PPP1R16B: variants seen among roughly 807,000 people sequenced by gnomAD.
PPP1R16B encodes the protein protein phosphatase 1 regulatory inhibitor subunit 16B.
Under a neutral mutation model 61.7 loss-of-function variants are expected in PPP1R16B, and 14 were observed. That is an observed-to-expected ratio of 0.23 (90% CI 0.15 to 0.35). PPP1R16B has a LOEUF of 0.35. Among genes scored for constraint, PPP1R16B ranks in the 10% least tolerant of loss-of-function variants. The pLI is 1.00. For missense variants in PPP1R16B, 547 were observed against 752.5 expected (o/e 0.73, Z 3.19); for synonymous variants, 266 against 305.3 (o/e 0.87, Z 1.34).
At chr20:38,839,648 A>G (rs370795391) in intron 2 of PPP1R16B, among the ~76,000 whole-genome samples, 41 of 151,770 alleles carry the variant, frequency 2.7e-4, no homozygotes, top group African/African-American at 8.5e-4. Flanking sequence ...AAGTTTTTAC[A>G]TAAGTGATGG....
At chr20:38,819,189 A>T (rs1319191542) in intron 1 of PPP1R16B, among the ~76,000 whole-genome samples, 1 of 152,228 alleles carries the variant, frequency 6.6e-6, no homozygotes, top group Non-Finnish European at 1.5e-5. Flanking sequence ...TTGGGCAATT[A>T]CTTAACCCTA....
Position 38,836,251 on chromosome 20 carries a change from A to T in PPP1R16B, c.250+76A>T, listed in dbSNP as rs556076171. On this transcript the variant is annotated intron_variant, in intron 2 of 10. Transcript: ENST00000299824. Reference sequence around the variant, plus strand: ...AGGGTTTGGAATCCAGGTTCTGTGCAGTAGACGTGTGGGCAAGGCAGGTCT... The same window carrying T: ...AGGGTTTGGAATCCAGGTTCTGTGCTGTAGACGTGTGGGCAAGGCAGGTCT... 2.3e-5 allele frequency: 36 copies of T among 1,536,296 alleles called. No homozygotes were observed. The East Asian group carries it at 8.2e-4, about 35-fold the overall frequency.
chr20:38,900,590 C>A lies in PPP1R16B; in HGVS notation c.477C>A (p.Asp159Glu). 6 of 1,602,306 alleles carry A rather than the reference C, an allele frequency of 3.7e-6. No individual in the cohort carries two copies. The highest frequency in any genetic ancestry group is 5.1e-6 in the Non-Finnish European group (6 of 1,174,982). Residue 159 changes from aspartate (D) to glutamate (E), a missense_variant, in exon 5 of 11, where the codon GAC becomes GAA. Asp to Glu is a conservative substitution (Grantham distance 45). Transcript: ENST00000299824. ...LVKILVQYGA[D>E]LLAVNSDGNM... The stretch of plus-strand genomic sequence containing the variant: ...GCCTCTTTCTCTGCAGTGGGGCCGA[C>A]TTGCTTGCTGTCAACTCGGATGGGA...
chr20:38,846,259 T>C (rs1290906004), intron 2 of PPP1R16B, among the ~76,000 whole-genome samples: 2 of 152,118 alleles, frequency 1.3e-5, no homozygotes, highest in Non-Finnish European at 2.9e-5. Flanking sequence ...TGGGAAGTCA[T>C]CAGCATGATA....
At chr20:38,890,608 G>A (rs1289855220) in intron 3 of PPP1R16B, among the ~76,000 whole-genome samples, 3 of 152,226 alleles carry the variant, frequency 2.0e-5, no homozygotes, top group Non-Finnish European at 4.4e-5. Context: ...GTCATCACTT[G>A]ATGTTGACTT....
chr20:38,880,968 G>A (rs554557534), intron 2 of PPP1R16B, among the ~76,000 whole-genome samples: 16 of 152,282 alleles, frequency 1.1e-4, no homozygotes, highest in African/African-American at 3.1e-4. Context: ...GTCTTCACAC[G>A]GTTGTCCAAC....
intron 2 of PPP1R16B, among the ~76,000 whole-genome samples, chr20:38,874,824 G>A (rs1443387779): frequency 6.6e-6 from 1 of 152,192 alleles, no homozygotes; most frequent in African/African-American, 2.4e-5. Flanking sequence ...TACCAGCTGA[G>A]TAGATTGGGG....
At chr20:38,835,539 T>C (rs1398717804) in intron 1 of PPP1R16B, among the ~76,000 whole-genome samples, 1 of 152,246 alleles carries the variant, frequency 6.6e-6, no homozygotes, top group Non-Finnish European at 1.5e-5. Context: ...CATGTGGCGA[T>C]TGTGCACTTG....
At chr20:38,830,091 T>TGCCACCCTGGGGCCC (rs1187024830) in intron 1 of PPP1R16B, among the ~76,000 whole-genome samples, 1 of 152,190 alleles carries the variant, frequency 6.6e-6, no homozygotes, top group South Asian at 2.1e-4. Context: ...GCCTGGGGCC[T>TGCCACCCTGGGGCCC]GCCACCCTGG....
In PPP1R16B at chr20:38,818,831, T is replaced by G. The variant is rs537664320; in HGVS notation, c.-102+13039T>G. Among the ~76,000 whole-genome samples the G allele has an allele frequency of 1.8e-4, 27 of 151,810 alleles. No homozygotes were observed. In the South Asian group the frequency reaches 5.6e-3, roughly 32 times the overall value. On this transcript the variant is annotated intron_variant, in intron 1 of 10. Coordinates refer to ENST00000299824, the MANE Select transcript of PPP1R16B (RefSeq NM_015568.4). ...GCTAGAGTGCAGTGATCTGTGATCGTGCAGTGGTGCAATGACAGTTCACTG... is the reference window on the plus strand; with the variant it reads ...GCTAGAGTGCAGTGATCTGTGATCGGGCAGTGGTGCAATGACAGTTCACTG...
intron 2 of PPP1R16B, among the ~76,000 whole-genome samples, chr20:38,874,042 T>G (rs2085149322): frequency 6.6e-6 from 1 of 152,122 alleles, no homozygotes; most frequent in African/African-American, 2.4e-5. Flanking sequence ...TGAAACATCT[T>G]TTATGACCCA....
At chr20:38,871,493 A>G (rs2085128624) in intron 2 of PPP1R16B, among the ~76,000 whole-genome samples, 1 of 151,314 alleles carries the variant, frequency 6.6e-6, no homozygotes, top group Non-Finnish European at 1.5e-5. Flanking sequence ...TGTTCAATCA[A>G]TGTCTGTGGG....
At chr20:38,863,392 C>G (rs1385228731) in intron 2 of PPP1R16B, among the ~76,000 whole-genome samples, 1 of 152,172 alleles carries the variant, frequency 6.6e-6, no homozygotes. Context: ...TGGCTGAGCC[C>G]CTGCAGAGCC....
intron 10 of PPP1R16B, among the ~76,000 whole-genome samples, chr20:38,915,351 C>T (rs2085525948): frequency 6.6e-6 from 1 of 152,246 alleles, no homozygotes; most frequent in Non-Finnish European, 1.5e-5. Flanking sequence ...TCCCACTAAA[C>T]AGCCCTGGTA....
chr20:38,866,957 C>G (rs1179585080), intron 2 of PPP1R16B, among the ~76,000 whole-genome samples: 2 of 152,204 alleles, frequency 1.3e-5, no homozygotes, highest in African/African-American at 4.8e-5. Context: ...AGCCGCTAAT[C>G]TACTTTCTGT....
intron 1 of PPP1R16B, among the ~76,000 whole-genome samples, chr20:38,829,281 T>C (rs771744061): frequency 6.6e-5 from 10 of 152,176 alleles, no homozygotes; most frequent in Non-Finnish European, 1.2e-4. Context: ...ACCCAGATGT[T>C]AGAAAAATTA....
chr20:38,887,054 T>G (rs1265404498), intron 2 of PPP1R16B, among the ~76,000 whole-genome samples: 1 of 149,232 alleles, frequency 6.7e-6, no homozygotes, highest in Admixed American at 6.7e-5. Context: ...GGGGCAAAGG[T>G]GTGTGTGTGT....
intron 2 of PPP1R16B, among the ~76,000 whole-genome samples, chr20:38,864,842 T>A (rs2145739721): frequency 1.3e-5 from 2 of 152,298 alleles, no homozygotes; most frequent in Non-Finnish European, 2.9e-5. Flanking sequence ...GGGACTAACA[T>A]GTCTCTGACC....
intron 1 of PPP1R16B, among the ~76,000 whole-genome samples, chr20:38,814,644 C>T (rs1481449016): frequency 6.6e-6 from 1 of 152,142 alleles, no homozygotes; most frequent in Non-Finnish European, 1.5e-5. Context: ...GAGCAAAGCA[C>T]TGTGTCATTA....
Sources: allele counts gnomAD v4.1 joint callset (sites outside exome capture counted in the v4.1 genomes callset), GRCh38; gene constraint gnomAD v4.1.1; transcripts MANE v1.5; gene names NCBI Gene and HGNC (gene_info 2026-07-23, HGNC 2026-07-21).